The following STARD10 variants were observed in gnomAD, a reference collection of about 807,000 sequenced individuals.
STARD10 encodes START domain-containing protein 10.
In STARD10, 24 loss-of-function variants were observed where a neutral mutation model predicts 36.0. The ratio of observed to expected loss-of-function variants is 0.67; its 90% CI spans 0.48 to 0.94. The LOEUF (loss-of-function observed/expected upper bound fraction) is 0.94. STARD10 is among the 40% of genes least tolerant of loss of function. The pLI is 0.00. For missense variants in STARD10, 335 were observed against 396.6 expected (o/e 0.84, Z 1.32); for synonymous variants, 156 against 161.9 (o/e 0.96, Z 0.28).
intron 1 of STARD10, among the ~76,000 whole-genome samples, chr11:72,790,963 C>T (rs1408769068): frequency 6.6e-6 from 1 of 152,186 alleles, no homozygotes; most frequent in Non-Finnish European, 1.5e-5. Flanking sequence ...ACCCCATCTG[C>T]GGCCTGCCTC....
chr11:72,770,497 C>T (rs1004525201), intron 2 of STARD10, among the ~76,000 whole-genome samples: 45 of 152,166 alleles, frequency 3.0e-4, no homozygotes, highest in Non-Finnish European at 1.0e-4. Flanking sequence ...GGATTACAGG[C>T]GTGAGCCACC....
chr11:72,757,934 G>C, intron 4 of STARD10, 50 bp from the exon 5 acceptor site: 1 of 1,555,194 alleles, frequency 6.4e-7, no homozygotes. Context: ...GGGCAAAGAA[G>C]ATGTTTTTGT....
intron 6 of STARD10, 95 bp from the exon 7 acceptor site, chr11:72,755,237 GGC>G: frequency 7.0e-7 from 1 of 1,430,720 alleles, no homozygotes; most frequent in Admixed American, 2.3e-5. Context: ...CATCCTGACT[GGC>G]TCCCTTTCAA....
intron 2 of STARD10, among the ~76,000 whole-genome samples, chr11:72,763,709 A>G (rs967564574): frequency 2.0e-5 from 3 of 152,172 alleles, no homozygotes; most frequent in Non-Finnish European, 4.4e-5. Flanking sequence ...GAACAAAGTG[A>G]AGGGAGGAAC....
At chr11:72,785,453 C>T (rs992275188) in intron 1 of STARD10, among the ~76,000 whole-genome samples, 3 of 148,148 alleles carry the variant, frequency 2.0e-5, no homozygotes, top group Admixed American at 6.9e-5. Context: ...GGAGCCTACT[C>T]GGGAGGCTGA....
chr11:72,776,973 G>A (rs973451933), intron 2 of STARD10, among the ~76,000 whole-genome samples: 1 of 152,106 alleles, frequency 6.6e-6, no homozygotes, highest in Non-Finnish European at 1.5e-5. Flanking sequence ...GAGGAGACAG[G>A]TCCCCACTGC....
At chr11:72,768,979 T>C (rs1367800272) in intron 2 of STARD10, among the ~76,000 whole-genome samples, 3 of 152,196 alleles carry the variant, frequency 2.0e-5, no homozygotes, top group African/African-American at 7.2e-5. Context: ...AGTGCATCTG[T>C]ATAATTCAGA....
intron 2 of STARD10, chr11:72,780,348 C>T: frequency 1.2e-5 from 5 of 413,148 alleles, no homozygotes; most frequent in South Asian, 6.6e-5. Flanking sequence ...CCCCAGGCCC[C>T]TTCCTTCCCC....
chr11:72,788,001 T>TG (rs201583673), intron 1 of STARD10, among the ~76,000 whole-genome samples: 20 of 151,460 alleles, frequency 1.3e-4, no homozygotes, highest in South Asian at 4.2e-4. Flanking sequence ...AGGAGAGGTT[T>TG]GGGGGGGGCA....
At chr11:72,774,265 A>G (rs950732751) in intron 2 of STARD10, among the ~76,000 whole-genome samples, 1 of 152,204 alleles carries the variant, frequency 6.6e-6, no homozygotes, top group African/African-American at 2.4e-5. Context: ...GACATTGCTC[A>G]CTGACCCCAG....
At chr11:72,777,430 G>A (rs944977272) in intron 2 of STARD10, among the ~76,000 whole-genome samples, 5 of 152,214 alleles carry the variant, frequency 3.3e-5, no homozygotes, top group African/African-American at 1.2e-4. Flanking sequence ...ACCCCAGCTG[G>A]CCCTGGTTGA....
intron 5 of STARD10, 129 bp from the exon 6 acceptor site, chr11:72,755,882 GCAAGTCCTA>G (rs1421737446): frequency 1.2e-6 from 1 of 812,888 alleles, no homozygotes; most frequent in Non-Finnish European, 1.9e-6. Flanking sequence ...GGTGTGTGAG[GCAAGTCCTA>G]CAAGCCTTTA....
intron 1 of STARD10, among the ~76,000 whole-genome samples, chr11:72,791,158 T>C (rs909340579): frequency 1.3e-5 from 2 of 152,136 alleles, no homozygotes; most frequent in East Asian, 3.8e-4. Context: ...GCATCCCCAC[T>C]TTACAGACAA....
At chr11:72,755,304 T>TTA in intron 6 of STARD10, 162 bp from the exon 7 acceptor site, 27 of 646,170 alleles carry the variant, frequency 4.2e-5, no homozygotes, top group Admixed American at 6.7e-5. Context: ...CCATTCTCCA[T>TTA]TCTTTTTTTT....
At chr11:72,758,396 C>G (rs1466834831) in intron 4 of STARD10, 134 bp downstream of exon 4, 66 of 715,290 alleles carry the variant, frequency 9.2e-5, no homozygotes, top group Non-Finnish European at 1.5e-4. Context: ...ATTATCCTCA[C>G]TGTACAGGAA....
Position 72,769,040 on chromosome 11 carries a change from A to G in STARD10, c.208-9659T>C, listed in dbSNP as rs143129959. Among the ~76,000 whole-genome samples, 664 of 151,828 alleles carry G rather than the reference A, an allele frequency of 4.4e-3. 4 individuals are homozygous for G. Among genetic ancestry groups the G allele is most frequent in the African/African-American group, 0.015 (640 of 41,378 alleles). On this transcript the variant is annotated intron_variant, in intron 2 of 6. Transcript: ENST00000334805. Reference sequence around the variant, plus strand: ...GAACTCTTGTAGATCTCTATAACACAAGGACAACTACTATTACTACTTCCG... The same window carrying G: ...GAACTCTTGTAGATCTCTATAACACGAGGACAACTACTATTACTACTTCCG...
intron 2 of STARD10, chr11:72,780,757 A>C: frequency 1.7e-6 from 1 of 587,112 alleles, no homozygotes. Flanking sequence ...CAGCTGAGAG[A>C]GGCAGGGTGA....
At chr11:72,780,419 T>A (rs1565243716) in intron 2 of STARD10, 3 of 452,032 alleles carry the variant, frequency 6.6e-6, no homozygotes, top group Non-Finnish European at 1.3e-5. Flanking sequence ...CTTCAGGATC[T>A]GCCAGCCACA....
intron 1 of STARD10, chr11:72,783,547 C>T (rs1859031534): frequency 6.5e-6 from 1 of 152,962 alleles, no homozygotes; most frequent in Non-Finnish European, 1.5e-5. Flanking sequence ...TTGATACCCA[C>T]ACTGCCTGGG....
Sources: gnomAD v4.1 joint callset for allele counts (sites outside exome capture counted in the v4.1 genomes callset) on GRCh38, gnomAD v4.1.1 for gene constraint, MANE v1.5 for transcripts, NCBI Gene and HGNC (gene_info 2026-07-23, HGNC 2026-07-21) for gene names.